The following SMC2 variants were observed in gnomAD, a reference collection of about 807,000 sequenced individuals.
The protein encoded by SMC2 is structural maintenance of chromosomes 2, also known as structural maintenance of chromosomes protein 2.
In SMC2, 41 loss-of-function variants were observed where a neutral mutation model predicts 142.6. The observed-to-expected ratio is 0.29, with a 90% CI of 0.22 to 0.37. The LOEUF (loss-of-function observed/expected upper bound fraction) is 0.37, where lower values mean the gene tolerates loss of function less well. SMC2 is among the 10% of genes least tolerant of loss of function. SMC2 has a pLI of 1.00. For synonymous variants in SMC2, 463 were observed against 457.5 expected (o/e 1.01, Z -0.15); for missense variants, 1,265 against 1,373.7 (o/e 0.92, Z 1.25).
At chr9:104,093,360 C>A (rs1369158468), upstream of SMC2, among the ~76,000 whole-genome samples, 1 of 151,968 alleles carries the variant, frequency 6.6e-6, no homozygotes, top group African/African-American at 2.4e-5. Context: ...ATGCATGAAG[C>A]CTAGTATTTA....
intron 3 of SMC2, among the ~76,000 whole-genome samples, chr9:104,097,126 T>G (rs983157784): frequency 2.2e-4 from 33 of 147,282 alleles, no homozygotes; most frequent in African/African-American, 8.2e-4. Context: ...AAGGTTTTTT[T>G]TTTTTTTTTT....
upstream of SMC2, among the ~76,000 whole-genome samples, chr9:104,089,935 C>T (rs1391164055): frequency 6.6e-6 from 1 of 151,844 alleles, no homozygotes; most frequent in African/African-American, 2.4e-5. Flanking sequence ...CATGAGCCAC[C>T]GTGCCTGGCT....
At position 104,113,545 on chromosome 9, in the gene SMC2, TAAAG is replaced by T. The variant is rs879410719; in HGVS notation, c.1414+73_1414+76del. 346 of 1,267,042 alleles carry T rather than the reference TAAAG, an allele frequency of 2.7e-4. 1 individual carries two copies. The highest frequency in any genetic ancestry group is 4.1e-4 in the African/African-American group (27 of 65,548). 78.5% of individuals were successfully genotyped at this position (1,267,042 alleles called of 1,614,324 possible). Reference sequence around the variant, plus strand: ...ATTTTTGATAAAAAGCTAATTTAAATAAAGAACGCAAGCAAGTAGGAAACATTTC... The same window carrying T: ...ATTTTTGATAAAAAGCTAATTTAAATAACGCAAGCAAGTAGGAAACATTTC... On this transcript the variant is annotated intron_variant, in intron 11 of 24. Transcript: ENST00000374793.
chr9:104,122,324 A>G (rs539581860), intron 16 of SMC2, among the ~76,000 whole-genome samples: 6 of 152,358 alleles, frequency 3.9e-5, no homozygotes, highest in South Asian at 2.1e-4. Flanking sequence ...GTTTCACACC[A>G]TATCAGGAAA....
chr9:104,122,579 A>C (rs1380531547), intron 16 of SMC2, among the ~76,000 whole-genome samples: 1 of 152,122 alleles, frequency 6.6e-6, no homozygotes, highest in Non-Finnish European at 1.5e-5. Context: ...CTTTCAAAAG[A>C]AATGACTAAG....
upstream of SMC2, among the ~76,000 whole-genome samples, chr9:104,093,906 C>T (rs2131259295): frequency 6.6e-6 from 1 of 152,350 alleles, no homozygotes; most frequent in Non-Finnish European, 1.5e-5. Flanking sequence ...CGAGAACACT[C>T]ATAGAATGCC....
intron 10 of SMC2, among the ~76,000 whole-genome samples, chr9:104,112,407 A>C (rs971690354): frequency 2.6e-5 from 4 of 152,240 alleles, no homozygotes; most frequent in Admixed American, 2.6e-4. Flanking sequence ...TCCTATGAAC[A>C]TAAGAATTTT....
intron 13 of SMC2, among the ~76,000 whole-genome samples, chr9:104,115,396 A>G (rs75856283): frequency 6.6e-6 from 1 of 152,020 alleles, no homozygotes; most frequent in South Asian, 2.1e-4. Flanking sequence ...GCAACGTGGC[A>G]AAACCCCATC....
In SMC2 at chr9:104,096,447, A is replaced by T. The variant is rs1830453620; in HGVS notation, c.318+150A>T. Reference sequence around the variant, plus strand: ...CTAGATTCCTTAATGTCTTCCTTATATTAAAATCTTGATCATGCACATTCT... The same window carrying T: ...CTAGATTCCTTAATGTCTTCCTTATTTTAAAATCTTGATCATGCACATTCT... On this transcript the variant is annotated intron_variant, in intron 3 of 24. Transcript: ENST00000374793. 5.9e-6 allele frequency: 4 copies of T among 674,650 alleles called. No individual in the cohort carries two copies. In the East Asian group the frequency reaches 1.1e-4, roughly 18 times the overall value. 41.8% of individuals were successfully genotyped at this position (674,650 alleles called of 1,614,324 possible). A position where few individuals can be genotyped will look rare whatever the true frequency, so the allele number is the denominator to read the frequency against.
rs75393798 is a variant in SMC2 at position 104,122,482 on chromosome 9, T to C, written c.2133-626T>C. On this transcript the variant is annotated intron_variant, in intron 16 of 24. Coordinates refer to ENST00000374793, the MANE Select transcript of SMC2 (RefSeq NM_006444.3). ...TTTTATAAGTTTTGTTTTTTTTTTT[T>C]CCTCAGACCTCATGATTTCTAGTGA... 1.1e-4 allele frequency among the ~76,000 whole-genome samples: 16 copies of C among 151,372 alleles called. No individual in the cohort carries two copies. The South Asian group carries it at 2.5e-3, about 24-fold the overall frequency.
Position 104,120,077 on chromosome 9 carries a change from G to T in SMC2, c.2047G>T (p.Asp683Tyr). 3 of 1,613,980 alleles carry T rather than the reference G, an allele frequency of 1.9e-6. No homozygotes were observed. The highest frequency in any genetic ancestry group is 2.5e-6 in the Non-Finnish European group (3 of 1,179,940). ...SILTKFQELK[D>Y]VQDELRIKEN... ...TTTAACCAAGTTTCAAGAACTCAAA[G>T]ATGTTCAGGATGAACTGAGAATCAA... The change falls in exon 16 of 25, where the codon GAT (aspartate) becomes TAT (tyrosine). Residue 683 changes from aspartate to tyrosine, a missense_variant. Physicochemically the swap from Asp to Tyr is radical, Grantham distance 160 (BLOSUM62 -3). This residue lies in a region of SMC2 where 898 missense variants were observed against 904.2 expected (regional missense o/e 0.99). Transcript: ENST00000374793.
At chr9:104,114,869 A>G in intron 13 of SMC2, 40 bp downstream of exon 13, 1 of 1,539,642 alleles carries the variant, frequency 6.5e-7, no homozygotes, top group Non-Finnish European at 8.8e-7. Context: ...AAATTTGGTT[A>G]GCTTGAAAAG....
rs1382578140 is a variant in SMC2, at chr9:104,139,659, C to G, written c.*344C>G. Reference sequence around the variant, plus strand: ...AAATTACATGATAAATGTAGCTGATCATCAGTGTTTAATTGATTTAATTCC... The same window carrying G: ...AAATTACATGATAAATGTAGCTGATGATCAGTGTTTAATTGATTTAATTCC... On this transcript the variant is annotated 3_prime_UTR_variant, in exon 25 of 25. Transcript: ENST00000374793. 1 of 175,746 alleles carries G rather than the reference C, an allele frequency of 5.7e-6. No homozygotes were observed. The highest frequency in any genetic ancestry group is 2.4e-5 in the African/African-American group (1 of 41,792). The allele number at this position is 175,746 out of a possible 1,614,324, so 10.9% of individuals were successfully genotyped here. A position where few individuals can be genotyped will look rare whatever the true frequency, so the allele number is the denominator to read the frequency against.
chr9:104,140,743 A>G lies in SMC2; in HGVS notation c.*1428A>G, dbSNP rs2131593176. ...AATATAGTTTTTTTGTTTCCTTTCA[A>G]ATGTATTACAGACTGTGCCAAAACA... On this transcript the variant is annotated 3_prime_UTR_variant, in exon 25 of 25. Transcript: ENST00000374793. The G allele has an allele frequency of 6.5e-6, 1 of 152,732 alleles. No homozygotes were observed. Among genetic ancestry groups the G allele is most frequent in the South Asian group, 2.1e-4 (1 of 4,822 alleles). 9.5% of individuals were successfully genotyped at this position (152,732 alleles called of 1,614,324 possible).
chr9:104,101,841 T>C, intron 7 of SMC2, 119 bp from the exon 8 acceptor site: 1 of 610,856 alleles, frequency 1.6e-6, no homozygotes. Flanking sequence ...TAAAATGCTA[T>C]AATTGTTTAA....
chr9:104,111,479 C>T (rs1234838665), intron 9 of SMC2, 102 bp from the exon 10 acceptor site: 3 of 656,906 alleles, frequency 4.6e-6, no homozygotes, highest in African/African-American at 1.8e-5. Flanking sequence ...ATTATGCTCA[C>T]TCCAAATTGC....
chr9:104,106,612 C>T (rs1038205447), intron 9 of SMC2, among the ~76,000 whole-genome samples: 3 of 152,108 alleles, frequency 2.0e-5, no homozygotes, highest in Non-Finnish European at 2.9e-5. Flanking sequence ...AGTCTGGTCT[C>T]GAACTCCCGA....
In SMC2 at chr9:104,095,572, A is replaced by T. The variant is rs1302627661; in HGVS notation, c.168+20A>T. ...TCTCAGGTAAAGTGTAAACTTTCTG[A>T]TTTATTTGAATTTAAGTTGGCAGGA... On this transcript the variant is annotated intron_variant, in intron 2 of 24. Coordinates refer to ENST00000374793, the MANE Select transcript of SMC2 (RefSeq NM_006444.3). 2 of 1,591,132 alleles carry T rather than the reference A, an allele frequency of 1.3e-6. No individual in the cohort carries two copies. The highest frequency in any genetic ancestry group is 1.7e-6 in the Non-Finnish European group (2 of 1,161,168).
chr9:104,124,502 A>G (rs1357283294), intron 17 of SMC2, among the ~76,000 whole-genome samples: 2 of 152,206 alleles, frequency 1.3e-5, no homozygotes, highest in Non-Finnish European at 2.9e-5. Context: ...AAAATAGGCA[A>G]AGAACATAAA....
Sources: gnomAD v4.1 joint callset for allele counts (sites outside exome capture counted in the v4.1 genomes callset) on GRCh38, gnomAD v4.1.1 for gene constraint, gnomAD v4.1.1 regional missense constraint, MANE v1.5 for transcripts, NCBI Gene and HGNC (gene_info 2026-07-23, HGNC 2026-07-21) for gene names.